Variants in SH2D4B observed in about 807,000 individuals in gnomAD.
The protein encoded by SH2D4B is SH2 domain-containing protein 4B.
SH2D4B carries 45 observed loss-of-function variants against 61.5 expected under a neutral mutation model. The ratio of observed to expected loss-of-function variants is 0.73; its 90% CI spans 0.58 to 0.94. SH2D4B has a LOEUF of 0.94. SH2D4B is among the 40% of genes least tolerant of loss of function. SH2D4B has a pLI of 0.00. For synonymous variants in SH2D4B, 224 were observed against 220.4 expected (o/e 1.02, Z -0.14); for missense variants, 572 against 574.2 (o/e 1.00, Z 0.04).
chr10:80,616,510 A>G (rs768636775), intron 6 of SH2D4B, among the ~76,000 whole-genome samples: 4 of 152,178 alleles, frequency 2.6e-5, no homozygotes, highest in Non-Finnish European at 5.9e-5. Context: ...CGTAGGTTGT[A>G]ATGGTGTTCC....
rs59848195 is a variant in SH2D4B, at chr10:80,612,198, T to TTTTTTTC, written c.988+2647_988+2648insTTTTTTC. Among the ~76,000 whole-genome samples, 54 of 125,226 alleles carry TTTTTTTC rather than the reference T, an allele frequency of 4.3e-4. 3 individuals carry two copies. The highest frequency in any genetic ancestry group is 1.5e-3 in the African/African-American group (48 of 31,174). 82.2% of individuals were successfully genotyped at this position (125,226 alleles called of 152,430 possible). A position where few individuals can be genotyped will look rare whatever the true frequency, so the allele number is the denominator to read the frequency against. ...CCACTCCTGCTTTTTTTTTTTTTTT[T>TTTTTTTC]CAACTTTACTCACTTATAAAATCCC... On this transcript the variant is annotated intron_variant, in intron 6 of 7. Transcript: ENST00000646907.
intron 1 of SH2D4B, among the ~76,000 whole-genome samples, chr10:80,548,177 T>C (rs1220692436): frequency 6.6e-6 from 1 of 152,216 alleles, no homozygotes; most frequent in Non-Finnish European, 1.5e-5. Flanking sequence ...ATCATTTTTC[T>C]TTCTTCTTAG....
chr10:80,593,986 A>G (rs1018038231), intron 4 of SH2D4B, among the ~76,000 whole-genome samples: 6 of 151,814 alleles, frequency 4.0e-5, no homozygotes, highest in Admixed American at 3.9e-4. Flanking sequence ...ATTTATATAT[A>G]TATATTTTTA....
chr10:80,605,798 T>C (rs948666631), intron 5 of SH2D4B, among the ~76,000 whole-genome samples: 2 of 152,168 alleles, frequency 1.3e-5, no homozygotes, highest in Non-Finnish European at 2.9e-5. Flanking sequence ...GGATTACAGG[T>C]GTGAGCCACC....
intron 4 of SH2D4B, among the ~76,000 whole-genome samples, chr10:80,594,066 G>A (rs55683824): frequency 2.6e-5 from 4 of 151,976 alleles, no homozygotes; most frequent in African/African-American, 9.7e-5. Flanking sequence ...TGTCCACCTC[G>A]ACCTCCCAAA....
At chr10:80,591,865 C>T (rs1246654922) in intron 4 of SH2D4B, among the ~76,000 whole-genome samples, 1 of 152,082 alleles carries the variant, frequency 6.6e-6, no homozygotes, top group Non-Finnish European at 1.5e-5. Context: ...ACCCATTAAC[C>T]CATTAATACA....
chr10:80,603,552 G>C, intron 4 of SH2D4B, 27 bp from the exon 5 acceptor site: 1 of 1,513,024 alleles, frequency 6.6e-7, no homozygotes, highest in Non-Finnish European at 8.9e-7. Flanking sequence ...GCGGATCTGG[G>C]CTAACGTGCT....
Position 80,571,595 on chromosome 10 carries a change from G to A in SH2D4B, c.495+17G>A. The A allele has an allele frequency of 6.2e-7, 1 of 1,612,268 alleles. No homozygotes were observed. ...GAATTCAAGGTGGGCCAGCGCATGG[G>A]GCCCCTGCGTGCGGCCACCTAATTA... On this transcript the variant is annotated intron_variant, in intron 3 of 7. Transcript: ENST00000646907.
chr10:80,571,029 A>G (rs1842035543), intron 2 of SH2D4B, among the ~76,000 whole-genome samples: 1 of 152,068 alleles, frequency 6.6e-6, no homozygotes, highest in Non-Finnish European at 1.5e-5. Flanking sequence ...GCATGCCACC[A>G]GACATGGCTA....
chr10:80,556,065 A>G (rs994818905), intron 1 of SH2D4B, among the ~76,000 whole-genome samples: 13 of 152,126 alleles, frequency 8.5e-5, no homozygotes, highest in African/African-American at 2.4e-4. Context: ...GTATATATAC[A>G]TATATGACCT....
rs11816697 is a variant in SH2D4B, at chr10:80,539,053, G to A, written c.184+538G>A. 0.015 allele frequency among the ~76,000 whole-genome samples: 2,211 copies of A among 152,340 alleles called. 48 individuals carry two copies. The highest frequency in any genetic ancestry group is 0.051 in the African/African-American group (2,121 of 41,582). On this transcript the variant is annotated intron_variant, in intron 1 of 7. Transcript: ENST00000646907. The surrounding 1 kb of genome is among the most constrained non-coding windows in gnomAD (Gnocchi z 4.9). Reference sequence around the variant, plus strand: ...GAGCCCCACTGGGCATCCGGAGAGAGGGCATCAGGGAACGTCCCACACAAT... The same window carrying A: ...GAGCCCCACTGGGCATCCGGAGAGAAGGCATCAGGGAACGTCCCACACAAT...
intron 1 of SH2D4B, among the ~76,000 whole-genome samples, chr10:80,562,150 A>G (rs1841909226): frequency 6.6e-6 from 1 of 152,060 alleles, no homozygotes; most frequent in African/African-American, 2.4e-5. Flanking sequence ...TCCACATGCA[A>G]GTGAGATAAT....
chr10:80,578,323 A>G (rs1564773341), intron 3 of SH2D4B, among the ~76,000 whole-genome samples: 2 of 151,210 alleles, frequency 1.3e-5, no homozygotes, highest in Admixed American at 6.6e-5. Context: ...TTCATTTAAT[A>G]CTCTCTTTTT....
rs60774703 is a variant in SH2D4B, at chr10:80,566,090, C to CAAAAAAAAAAA, written c.185-4046_185-4036dup. 1.1e-3 allele frequency among the ~76,000 whole-genome samples: 26 copies of CAAAAAAAAAAA among 23,818 alleles called. 2 individuals carry two copies. The highest frequency in any genetic ancestry group is 4.4e-3 in the African/African-American group (26 of 5,850). The allele number at this position is 23,818 out of a possible 152,430, so 15.6% of individuals were successfully genotyped here. ...TGGGTGACAGAGCGAGACTCCGGCT[C>CAAAAAAAAAAA]AAAAAAAAAAAAAAAAAAAAAAAAA... On this transcript the variant is annotated intron_variant, in intron 1 of 7. Coordinates refer to ENST00000646907, the MANE Select transcript of SH2D4B (RefSeq NM_001388272.1).
intron 6 of SH2D4B, among the ~76,000 whole-genome samples, chr10:80,632,904 CT>C (rs1438692042): frequency 6.6e-6 from 1 of 151,606 alleles, no homozygotes; most frequent in Non-Finnish European, 1.5e-5. Context: ...TCCTTTTCTG[CT>C]TGTAGAGCTT....
intron 1 of SH2D4B, among the ~76,000 whole-genome samples, chr10:80,543,348 G>A (rs1564763515): frequency 6.6e-6 from 1 of 152,066 alleles, no homozygotes; most frequent in Non-Finnish European, 1.5e-5. Context: ...GGAGCGGCCG[G>A]CCACCTGGCC....
intron 6 of SH2D4B, among the ~76,000 whole-genome samples, chr10:80,625,944 A>T (rs1589362124): frequency 1.3e-5 from 2 of 151,988 alleles, no homozygotes; most frequent in Admixed American, 1.3e-4. Flanking sequence ...GGGAAGGCTG[A>T]CTCTATATAT....
intron 6 of SH2D4B, among the ~76,000 whole-genome samples, chr10:80,632,193 T>A (rs1287748282): frequency 6.6e-6 from 1 of 152,018 alleles, no homozygotes; most frequent in Non-Finnish European, 1.5e-5. Flanking sequence ...TGGGCTCAGG[T>A]GATCCTCCCA....
chr10:80,622,853 G>T (rs141573775), intron 6 of SH2D4B, among the ~76,000 whole-genome samples: 3 of 152,246 alleles, frequency 2.0e-5, no homozygotes, highest in African/African-American at 7.2e-5. Flanking sequence ...TTTGTATTTG[G>T]GGTTTTCTCG....
Sources: allele counts gnomAD v4.1 joint callset (sites outside exome capture counted in the v4.1 genomes callset), GRCh38; gene constraint gnomAD v4.1.1; non-coding constraint Gnocchi (gnomAD v3.1); transcripts MANE v1.5; gene names NCBI Gene and HGNC (gene_info 2026-07-23, HGNC 2026-07-21).